Variants in THRB observed in about 807,000 individuals in gnomAD.
THRB encodes nuclear receptor subfamily 1 group A member 2.
A neutral mutation model predicts 47.8 loss-of-function variants in THRB; 12 were observed. The observed-to-expected ratio is 0.25, with a 90% confidence interval of 0.16 to 0.41. THRB has a LOEUF of 0.41. Ranked by LOEUF, THRB falls within the 10% of genes least tolerant of loss-of-function variation. The pLI is 1.00. For missense variants in THRB, 348 were observed against 589.2 expected (o/e 0.59, Z 4.24); for synonymous variants, 218 against 212.2 (o/e 1.03, Z -0.24).
rs985981639 is a variant in THRB at position 24,284,375 on chromosome 3, C to A, written c.-43+12851G>T. 2.1e-3 allele frequency among the ~76,000 whole-genome samples: 313 copies of A among 150,472 alleles called. 5 individuals are homozygous for A. Among genetic ancestry groups the A allele is most frequent in the East Asian group, 9.7e-4 (5 of 5,144 alleles). On this transcript the variant is annotated intron_variant, in intron 3 of 10. Coordinates refer to ENST00000646209, the MANE Select transcript of THRB (RefSeq NM_001354712.2). ...AATGGTGCTGGGAAAACTGGCTAGC[C>A]ATATGTAGAAAGCTGAAACTGGATC...
chr3:24,344,028 C>T (rs1364605467), intron 1 of THRB, among the ~76,000 whole-genome samples: 1 of 149,254 alleles, frequency 6.7e-6, no homozygotes, highest in African/African-American at 2.5e-5. Context: ...TAGGTCTTAC[C>T]CAAGTTCATG....
At chr3:24,480,354 T>G (rs1010678434) in intron 1 of THRB, among the ~76,000 whole-genome samples, 2 of 152,096 alleles carry the variant, frequency 1.3e-5, no homozygotes, top group African/African-American at 4.8e-5. Flanking sequence ...AATTTTTCCA[T>G]CCCCAAAGTC....
chr3:24,290,829 C>T (rs1171414018), intron 3 of THRB, among the ~76,000 whole-genome samples: 1 of 152,202 alleles, frequency 6.6e-6, no homozygotes, highest in Non-Finnish European at 1.5e-5. Flanking sequence ...TTTCTATGCT[C>T]TGCCAGGCAT....
rs144234889 is a variant in THRB, at chr3:24,388,772, C to T, written c.-260-51401G>A. On this transcript the variant is annotated intron_variant, in intron 1 of 10. Coordinates refer to ENST00000646209, the MANE Select transcript of THRB (RefSeq NM_001354712.2). ...TGGTTCATGACTGATGCCAGGATTC[C>T]CATCCCTAACCTCAAGGCAGGCTAC... Among the ~76,000 whole-genome samples the T allele has an allele frequency of 2.1e-3, 316 of 152,122 alleles. 2 individuals are homozygous for T. The highest frequency in any genetic ancestry group is 6.7e-3 in the African/African-American group (277 of 41,516).
chr3:24,328,422 T>C (rs1463309246), intron 2 of THRB, among the ~76,000 whole-genome samples: 1 of 152,152 alleles, frequency 6.6e-6, no homozygotes, highest in Non-Finnish European at 1.5e-5. Flanking sequence ...AAATGTTCCA[T>C]AAATACCTCA....
chr3:24,191,351 C>T (rs957480859), intron 4 of THRB, among the ~76,000 whole-genome samples: 3 of 151,314 alleles, frequency 2.0e-5, no homozygotes, highest in South Asian at 2.1e-4. Context: ...TACTGTTTGT[C>T]AAAATTAGAA....
chr3:24,481,229 G>GTTTTGTTTTTT (rs1696316795), intron 1 of THRB, among the ~76,000 whole-genome samples: 6 of 55,382 alleles, frequency 1.1e-4, no homozygotes, highest in African/African-American at 4.6e-4. Flanking sequence ...GTTTCTTTCT[G>GTTTTGTTTTTT]TTTTTTTTTT....
At chr3:24,176,027 G>GTGTT (rs1178447685) in intron 5 of THRB, among the ~76,000 whole-genome samples, 1 of 152,100 alleles carries the variant, frequency 6.6e-6, no homozygotes, top group African/African-American at 2.4e-5. Flanking sequence ...GACTAATAAT[G>GTGTT]TGTTTCAACA....
chr3:24,365,297 A>C (rs1217313650), intron 1 of THRB, among the ~76,000 whole-genome samples: 4 of 152,146 alleles, frequency 2.6e-5, no homozygotes, highest in African/African-American at 9.7e-5. Context: ...AGAGGGCAGA[A>C]CAGGCACTCC....
intron 1 of THRB, among the ~76,000 whole-genome samples, chr3:24,451,935 C>T (rs2072700473): frequency 6.6e-6 from 1 of 152,190 alleles, no homozygotes; most frequent in Non-Finnish European, 1.5e-5. Context: ...TAAAAAAGCA[C>T]TGGGGGCTGG....
In THRB at chr3:24,277,130, T is replaced by A. The variant is rs1179384117; in HGVS notation, c.-43+20096A>T. 2.6e-5 allele frequency among the ~76,000 whole-genome samples: 4 copies of A among 152,282 alleles called. No homozygotes were observed. In the East Asian group the frequency reaches 7.7e-4, roughly 29 times the overall value. Reference sequence around the variant, plus strand: ...GAGATTCCTGTGTCAGGGTTGGAAGTTGGTCTGGAACAGTGGTTATCAATT... The same window carrying A: ...GAGATTCCTGTGTCAGGGTTGGAAGATGGTCTGGAACAGTGGTTATCAATT... On this transcript the variant is annotated intron_variant, in intron 3 of 10. Coordinates refer to ENST00000646209, the MANE Select transcript of THRB (RefSeq NM_001354712.2).
At chr3:24,292,373 T>G (rs1179816145) in intron 3 of THRB, among the ~76,000 whole-genome samples, 1 of 152,140 alleles carries the variant, frequency 6.6e-6, no homozygotes, top group Non-Finnish European at 1.5e-5. Flanking sequence ...AGGGCCATAG[T>G]AGCTGTAAAA....
intron 4 of THRB, among the ~76,000 whole-genome samples, chr3:24,195,619 C>T (rs1226211746): frequency 6.6e-6 from 1 of 152,130 alleles, no homozygotes; most frequent in Non-Finnish European, 1.5e-5. Flanking sequence ...GACTTCCCAC[C>T]AATATTAGAA....
chr3:24,290,073 CCT>C (rs2055762970), intron 3 of THRB, among the ~76,000 whole-genome samples: 2 of 152,132 alleles, frequency 1.3e-5, no homozygotes, highest in Admixed American at 6.5e-5. Flanking sequence ...TTGTGCTTTC[CCT>C]GTTTCCTCAG....
chr3:24,382,711 A>G (rs865869751), intron 1 of THRB, among the ~76,000 whole-genome samples: 1 of 152,194 alleles, frequency 6.6e-6, no homozygotes, highest in African/African-American at 2.4e-5. Flanking sequence ...CTTTCCAATC[A>G]TTACTAAATA....
At chr3:24,440,077 C>G (rs930930084) in intron 1 of THRB, among the ~76,000 whole-genome samples, 34 of 152,160 alleles carry the variant, frequency 2.2e-4, no homozygotes, top group African/African-American at 8.2e-4. Context: ...TAAACTAAGT[C>G]GTAAATAACA....
At chr3:24,277,956 T>C (rs1477147857) in intron 3 of THRB, among the ~76,000 whole-genome samples, 1 of 151,112 alleles carries the variant, frequency 6.6e-6, no homozygotes, top group Non-Finnish European at 1.5e-5. Context: ...AATTATGGTA[T>C]GATATTTGCC....
intron 4 of THRB, among the ~76,000 whole-genome samples, chr3:24,198,524 G>C (rs2044243777): frequency 7.5e-6 from 1 of 132,980 alleles, no homozygotes; most frequent in Non-Finnish European, 1.5e-5. Context: ...CAACTGGTGG[G>C]AAGGAGCCTG....
intron 1 of THRB, among the ~76,000 whole-genome samples, chr3:24,463,985 G>A (rs145560661): frequency 0.015 from 2,309 of 152,250 alleles, 23 homozygotes; most frequent in Middle Eastern, 0.051. Context: ...GGTGGCTCAC[G>A]CCTGTAATCC....
Sources: allele counts gnomAD v4.1 joint callset (sites outside exome capture counted in the v4.1 genomes callset), GRCh38; gene constraint gnomAD v4.1.1; transcripts MANE v1.5; gene names NCBI Gene and HGNC (gene_info 2026-07-23, HGNC 2026-07-21).